The following ACOXL variants were observed in gnomAD, a reference collection of about 807,000 sequenced individuals.
The protein encoded by ACOXL is acyl-CoA oxidase like.
In ACOXL, 70 loss-of-function variants were observed where a neutral mutation model predicts 71.9. The observed-to-expected ratio is 0.97, with a 90% CI of 0.80 to 1.19. ACOXL has a LOEUF of 1.19. ACOXL is among the 50% of genes most tolerant of loss of function. The probability of loss-of-function intolerance (pLI) is 0.00; values close to 1 mark genes in which losing one functional copy is unlikely to be tolerated. For synonymous variants in ACOXL, 253 were observed against 281.6 expected (o/e 0.90, Z 1.02); for missense variants, 703 against 736.3 (o/e 0.95, Z 0.52).
intron 10 of ACOXL, among the ~76,000 whole-genome samples, chr2:110,878,707 G>A (rs529498050): frequency 6.6e-6 from 1 of 152,232 alleles, no homozygotes; most frequent in Admixed American, 6.5e-5. Context: ...AGAGGTTGTA[G>A]TGAGCCAGGA....
intron 2 of ACOXL, among the ~76,000 whole-genome samples, chr2:110,781,774 C>T (rs1225650548): frequency 6.6e-6 from 1 of 152,074 alleles, no homozygotes; most frequent in East Asian, 1.9e-4. Flanking sequence ...GCAAAGGAGG[C>T]CGTGTGGGTT....
chr2:110,846,952 A>G (rs997262020), intron 10 of ACOXL, among the ~76,000 whole-genome samples: 1 of 152,144 alleles, frequency 6.6e-6, no homozygotes, highest in African/African-American at 2.4e-5. Flanking sequence ...GGTCCTGCTC[A>G]TGTTTCGTTT....
intron 12 of ACOXL, among the ~76,000 whole-genome samples, chr2:110,946,421 T>C (rs2061110315): frequency 6.6e-6 from 1 of 152,226 alleles, no homozygotes; most frequent in African/African-American, 2.4e-5. Flanking sequence ...AGTACTATGC[T>C]GAATATAAGT....
chr2:110,760,940 C>T (rs1206704172), intron 1 of ACOXL, among the ~76,000 whole-genome samples: 1 of 152,174 alleles, frequency 6.6e-6, no homozygotes, highest in Admixed American at 6.5e-5. Flanking sequence ...TAGACCCTGC[C>T]TCTTAAATGA....
In ACOXL at chr2:110,856,618, C is replaced by T. The variant is rs187387040; in HGVS notation, c.788+15213C>T. The stretch of plus-strand genomic sequence containing the variant: ...GTGAAGAAGGAAAAAGAAATTTGTG[C>T]TAGTTTTGCTGTCACACCTCAAATT... On this transcript the variant is annotated intron_variant, in intron 10 of 17. Coordinates refer to ENST00000439055, the MANE Select transcript of ACOXL (RefSeq NM_001142807.4). Among the ~76,000 whole-genome samples, 471 of 152,304 alleles carry T rather than the reference C, an allele frequency of 3.1e-3. 13 individuals carry two copies. Among genetic ancestry groups the T allele is most frequent in the Admixed American group, 0.029 (448 of 15,304 alleles).
intron 10 of ACOXL, among the ~76,000 whole-genome samples, chr2:110,866,748 C>T (rs573716604): frequency 1.3e-5 from 2 of 152,188 alleles, no homozygotes; most frequent in South Asian, 2.1e-4. Context: ...CACCCGTTCA[C>T]GAAATCACTC....
intron 14 of ACOXL, among the ~76,000 whole-genome samples, chr2:111,003,550 CAAAAA>C (rs548001377): frequency 0.083 from 2,911 of 35,012 alleles, 62 homozygotes; most frequent in African/African-American, 0.27. Context: ...GACTCTGTCT[CAAAAA>C]AAAAAAAAAA....
intron 13 of ACOXL, among the ~76,000 whole-genome samples, chr2:110,991,076 C>T (rs116120586): frequency 0.01 from 1,580 of 152,134 alleles, 18 homozygotes; most frequent in South Asian, 0.056. Flanking sequence ...CCGGGCTTGG[C>T]GAGTAAACTA....
At chr2:110,846,338 A>G (rs1467132782) in intron 10 of ACOXL, among the ~76,000 whole-genome samples, 2 of 152,134 alleles carry the variant, frequency 1.3e-5, no homozygotes, top group Non-Finnish European at 2.9e-5. Context: ...CTCTTGAAGA[A>G]GAATGGATTT....
intron 16 of ACOXL, among the ~76,000 whole-genome samples, chr2:111,084,475 C>G (rs980183076): frequency 1.3e-5 from 2 of 152,136 alleles, no homozygotes; most frequent in African/African-American, 2.4e-5. Context: ...GAGATGGACT[C>G]TTGGTTTAGG....
chr2:110,734,148 T>TAA (rs1676544982), intron 1 of ACOXL, among the ~76,000 whole-genome samples: 1 of 152,248 alleles, frequency 6.6e-6, no homozygotes, highest in African/African-American at 2.4e-5. Context: ...TAAAATACAC[T>TAA]AATAGATTTA....
intron 12 of ACOXL, among the ~76,000 whole-genome samples, chr2:110,975,199 A>T (rs572651622): frequency 6.6e-6 from 1 of 152,244 alleles, no homozygotes. Context: ...TTTCCTAAGG[A>T]TAATCAGAGA....
intron 10 of ACOXL, among the ~76,000 whole-genome samples, chr2:110,881,820 T>G (rs1450228556): frequency 2.0e-5 from 3 of 152,212 alleles, no homozygotes; most frequent in African/African-American, 7.2e-5. Context: ...TAATTCCTTT[T>G]CATTGTAGAT....
At chr2:110,844,658 A>G (rs147672684) in intron 10 of ACOXL, among the ~76,000 whole-genome samples, 2,069 of 149,386 alleles carry the variant, frequency 0.014, 33 homozygotes, top group East Asian at 0.059. Flanking sequence ...AGCAATTCTC[A>G]TACCTCAGCC....
intron 12 of ACOXL, among the ~76,000 whole-genome samples, chr2:110,965,230 G>C (rs1228187272): frequency 6.6e-6 from 1 of 152,122 alleles, no homozygotes; most frequent in Non-Finnish European, 1.5e-5. Context: ...TTTGTGTGAT[G>C]GGTATTTAGG....
At chr2:111,066,546 A>G (rs528755337) in intron 16 of ACOXL, among the ~76,000 whole-genome samples, 1 of 152,314 alleles carries the variant, frequency 6.6e-6, no homozygotes, top group East Asian at 1.9e-4. Context: ...AAACTGGGTA[A>G]AAGATACCCA....
intron 12 of ACOXL, among the ~76,000 whole-genome samples, chr2:110,935,317 G>A (rs1173422804): frequency 1.3e-5 from 2 of 152,096 alleles, no homozygotes; most frequent in Admixed American, 1.3e-4. Context: ...AGGCCCAGGG[G>A]TCTCTCACCC....
intron 11 of ACOXL, among the ~76,000 whole-genome samples, chr2:110,921,859 C>T (rs2149295178): frequency 6.6e-6 from 1 of 152,270 alleles, no homozygotes; most frequent in East Asian, 1.9e-4. Context: ...GTTTAAATTT[C>T]TCCTTAAGAC....
intron 9 of ACOXL, among the ~76,000 whole-genome samples, chr2:110,825,752 C>T (rs1294701058): frequency 1.3e-5 from 2 of 152,084 alleles, no homozygotes; most frequent in Non-Finnish European, 2.9e-5. Flanking sequence ...TCCTTGTACC[C>T]CATGCAATGC....
Sources: gnomAD v4.1 joint callset for allele counts (sites outside exome capture counted in the v4.1 genomes callset) on GRCh38, gnomAD v4.1.1 for gene constraint, MANE v1.5 for transcripts, NCBI Gene and HGNC (gene_info 2026-07-23, HGNC 2026-07-21) for gene names.